Variants in KCNB2 observed in about 807,000 individuals in gnomAD.
The protein encoded by KCNB2 is delayed rectifier potassium channel protein.
Under a neutral mutation model 61.5 loss-of-function variants are expected in KCNB2, and 15 were observed. The observed-to-expected ratio is 0.24, with a 90% CI of 0.16 to 0.38. KCNB2 has a LOEUF of 0.38. KCNB2 is among the 10% of genes least tolerant of loss of function. The probability of loss-of-function intolerance (pLI) is 1.00; values close to 1 mark genes in which losing one functional copy is unlikely to be tolerated. For synonymous variants in KCNB2, 457 were observed against 446.0 expected, an observed-to-expected ratio of 1.02 and a Z score of -0.31; for missense variants, 828 against 1,125.2, an observed-to-expected ratio of 0.74 and a Z score of 3.78.
intron 2 of KCNB2, among the ~76,000 whole-genome samples, chr8:72,770,422 T>C (rs1808539328): frequency 6.6e-6 from 1 of 152,178 alleles, no homozygotes; most frequent in Admixed American, 6.5e-5. Context: ...AGGAGGAAAG[T>C]CCAAGTGCTG....
At chr8:72,932,374 C>T (rs1308077228) in intron 2 of KCNB2, among the ~76,000 whole-genome samples, 2 of 152,154 alleles carry the variant, frequency 1.3e-5, no homozygotes, top group East Asian at 1.9e-4. Flanking sequence ...TCCTCTGGAG[C>T]CTCAGTAAAT....
intron 2 of KCNB2, among the ~76,000 whole-genome samples, chr8:72,887,699 TG>T (rs1805829108): frequency 5.9e-5 from 9 of 152,246 alleles, no homozygotes; most frequent in Admixed American, 5.9e-4. Context: ...TTTATTTCTC[TG>T]ACCTAACTAG....
At chr8:72,920,855 G>A (rs1370968531) in intron 2 of KCNB2, among the ~76,000 whole-genome samples, 1 of 151,850 alleles carries the variant, frequency 6.6e-6, no homozygotes, top group Non-Finnish European at 1.5e-5. Flanking sequence ...AATACAAAAA[G>A]CAGTCAATAA....
intron 2 of KCNB2, among the ~76,000 whole-genome samples, chr8:72,709,419 AT>A (rs1391974887): frequency 6.6e-6 from 1 of 151,848 alleles, no homozygotes; most frequent in Non-Finnish European, 1.5e-5. Flanking sequence ...GAAGAAAGAG[AT>A]TTAATTGGCT....
chr8:72,821,648 A>AC (rs1809511899), intron 2 of KCNB2, among the ~76,000 whole-genome samples: 4 of 146,508 alleles, frequency 2.7e-5, no homozygotes, highest in African/African-American at 1.0e-4. Flanking sequence ...AAACAAAAAA[A>AC]AAAAAAAAAA....
At position 72,925,945 on chromosome 8, in the gene KCNB2, G is replaced by A. The variant is rs193186541; in HGVS notation, c.580-9990G>A. Among the ~76,000 whole-genome samples the A allele has an allele frequency of 2.6e-3, 393 of 152,274 alleles. 3 individuals carry two copies. Among genetic ancestry groups the A allele is most frequent in the Non-Finnish European group, 3.9e-3 (268 of 68,030 alleles). Reference sequence around the variant, plus strand: ...AAGGAACGAGATCATGTCCTTTGCAGGGACATGCATGGAGCTGGGAGCCAT... The same window carrying A: ...AAGGAACGAGATCATGTCCTTTGCAAGGACATGCATGGAGCTGGGAGCCAT... On this transcript the variant is annotated intron_variant, in intron 2 of 2. Coordinates refer to ENST00000523207, the MANE Select transcript of KCNB2 (RefSeq NM_004770.3).
At chr8:72,611,642 C>G (rs1217470002) in intron 2 of KCNB2, among the ~76,000 whole-genome samples, 2 of 152,188 alleles carry the variant, frequency 1.3e-5, no homozygotes, top group East Asian at 3.8e-4. Context: ...CTGTTTACTG[C>G]ATGGCACACT....
chr8:72,900,398 A>G (rs1473905979), intron 2 of KCNB2, among the ~76,000 whole-genome samples: 1 of 152,192 alleles, frequency 6.6e-6, no homozygotes, highest in Non-Finnish European at 1.5e-5. Flanking sequence ...AAATCCTAAG[A>G]GAAAACCCAG....
At chr8:72,797,813 A>G (rs1051405549) in intron 2 of KCNB2, among the ~76,000 whole-genome samples, 1 of 152,154 alleles carries the variant, frequency 6.6e-6, no homozygotes, top group African/African-American at 2.4e-5. Flanking sequence ...GGCATACCCC[A>G]TGGATGTCTT....
chr8:72,666,836 A>G (rs1402291736), intron 2 of KCNB2, among the ~76,000 whole-genome samples: 1 of 151,854 alleles, frequency 6.6e-6, no homozygotes, highest in Admixed American at 6.5e-5. Context: ...CCTGAACATG[A>G]AAATTATAAC....
chr8:72,591,094 C>A (rs1182181895), intron 2 of KCNB2, among the ~76,000 whole-genome samples: 1 of 150,850 alleles, frequency 6.6e-6, no homozygotes, highest in Non-Finnish European at 1.5e-5. Context: ...CTTGGAGACA[C>A]CTTTTGTTCA....
At chr8:72,550,692 C>T (rs1806333470) in intron 1 of KCNB2, among the ~76,000 whole-genome samples, 1 of 152,170 alleles carries the variant, frequency 6.6e-6, no homozygotes, top group African/African-American at 2.4e-5. Flanking sequence ...TCTTTTTACA[C>T]TCCCTGCTCC....
At chr8:72,711,975 T>C (rs1027998781) in intron 2 of KCNB2, among the ~76,000 whole-genome samples, 1 of 152,164 alleles carries the variant, frequency 6.6e-6, no homozygotes, top group South Asian at 2.1e-4. Flanking sequence ...CTGGGCGACA[T>C]AGCAAGACTC....
chr8:72,794,295 G>A (rs1315189297), intron 2 of KCNB2, among the ~76,000 whole-genome samples: 1 of 152,118 alleles, frequency 6.6e-6, no homozygotes, highest in Admixed American at 6.6e-5. Context: ...GGCCGGACAC[G>A]GTGGCTCACG....
chr8:72,725,625 A>C (rs1371258296), intron 2 of KCNB2, among the ~76,000 whole-genome samples: 4 of 94,282 alleles, frequency 4.2e-5, no homozygotes, highest in African/African-American at 1.4e-4. Context: ...ATATATATGC[A>C]TTCTTCTGAA....
chr8:72,920,449 C>CTATATATATATATATATATA (rs1490825485), intron 2 of KCNB2, among the ~76,000 whole-genome samples: 1 of 29,658 alleles, frequency 3.4e-5, no homozygotes, highest in Non-Finnish European at 8.4e-5. Flanking sequence ...CTATATCTAT[C>CTATATATATATATATATATA]TATCTATCTA....
intron 2 of KCNB2, among the ~76,000 whole-genome samples, chr8:72,935,152 T>TTTA (rs1806873286): frequency 1.3e-5 from 2 of 152,168 alleles, no homozygotes; most frequent in African/African-American, 4.8e-5. Context: ...GAGCTCAGAC[T>TTTA]GCCTGACTCT....
chr8:72,755,490 A>T (rs1181690183), intron 2 of KCNB2, among the ~76,000 whole-genome samples: 1 of 152,260 alleles, frequency 6.6e-6, no homozygotes. Context: ...TCTAAAAAAT[A>T]AAGTTTATTT....
chr8:72,721,770 T>C (rs955829515), intron 2 of KCNB2, among the ~76,000 whole-genome samples: 2 of 152,180 alleles, frequency 1.3e-5, no homozygotes, highest in African/African-American at 4.8e-5. Flanking sequence ...TTCCTTGTTC[T>C]ACCCACTACT....
Sources: allele counts gnomAD v4.1 joint callset (sites outside exome capture counted in the v4.1 genomes callset), GRCh38; gene constraint gnomAD v4.1.1; transcripts MANE v1.5; gene names NCBI Gene and HGNC (gene_info 2026-07-23, HGNC 2026-07-21).